The following POLD3 variants were observed in gnomAD, a reference collection of about 807,000 sequenced individuals.
POLD3 encodes DNA polymerase delta 3, accessory subunit.
A neutral mutation model predicts 58.2 loss-of-function variants in POLD3; 19 were observed. The observed-to-expected ratio is 0.33, with a 90% CI of 0.23 to 0.48. The LOEUF is 0.48. POLD3 is among the 20% of genes least tolerant of loss of function. The pLI is 0.99. For missense variants in POLD3, 504 were observed against 545.5 expected (o/e 0.92, Z 0.76); for synonymous variants, 172 against 193.5 (o/e 0.89, Z 0.92).
rs778520326 is a variant in POLD3, at chr11:74,640,517, T to G, written c.1199-47T>G. The G allele has an allele frequency of 1.2e-5, 17 of 1,459,212 alleles. No homozygotes were observed. In the Admixed American group the frequency reaches 3.5e-4, roughly 30 times the overall value. The allele number at this position is 1,459,212 out of a possible 1,614,324, so 90.4% of individuals were successfully genotyped here. A position where few individuals can be genotyped will look rare whatever the true frequency, so the allele number is the denominator to read the frequency against. On this transcript the variant is annotated intron_variant, in intron 11 of 11. Coordinates refer to ENST00000263681, the MANE Select transcript of POLD3 (RefSeq NM_006591.3). ...AAGACATCCCATTTTCTTCATAGAGTAAATGATTCAGCCCACCCATGTTCC... is the reference window on the plus strand; with the variant it reads ...AAGACATCCCATTTTCTTCATAGAGGAAATGATTCAGCCCACCCATGTTCC...
At chr11:74,617,220 T>C (rs972535923) in intron 5 of POLD3, among the ~76,000 whole-genome samples, 5 of 152,206 alleles carry the variant, frequency 3.3e-5, no homozygotes, top group African/African-American at 1.2e-4. Context: ...TCTATAATGA[T>C]TAGAGAGAGA....
chr11:74,609,027 A>G (rs895808306), intron 3 of POLD3, among the ~76,000 whole-genome samples: 8 of 152,180 alleles, frequency 5.3e-5, no homozygotes, highest in African/African-American at 1.7e-4. Flanking sequence ...GGTTCCGAAC[A>G]TTAACAAAAA....
rs571013076 is a variant in POLD3 at position 74,659,856 on chromosome 11, G to C, written c.370-8921G>C. Among the ~76,000 whole-genome samples, 9 of 152,258 alleles carry C rather than the reference G, an allele frequency of 5.9e-5. No homozygotes were observed. The South Asian group carries it at 1.9e-3, about 32-fold the overall frequency. On this transcript the variant is annotated intron_variant, in intron 4 of 4. Coordinates refer to the POLD3 transcript ENST00000524752. ...GTTCCAAACTTTTCCACATTTTTCT[G>C]TCTTCTTCTGAGCCCTCCAAACTGT...
intron 3 of POLD3, among the ~76,000 whole-genome samples, chr11:74,610,040 G>T (rs2031853441): frequency 1.3e-5 from 2 of 152,174 alleles, no homozygotes; most frequent in Non-Finnish European, 2.9e-5. Flanking sequence ...CTCGGTCAAA[G>T]GGTGAGTGCA....
At chr11:74,649,013 G>T (rs776029602) in intron 4 of POLD3, among the ~76,000 whole-genome samples, 117 of 152,270 alleles carry the variant, frequency 7.7e-4, no homozygotes, top group Non-Finnish European at 1.4e-3. Context: ...GTCGTCTCAT[G>T]CTTGGAAATT....
chr11:74,612,187 G>A (rs1048683068), intron 4 of POLD3, among the ~76,000 whole-genome samples: 3 of 152,196 alleles, frequency 2.0e-5, no homozygotes, highest in African/African-American at 4.8e-5. Context: ...GTCCATGGGG[G>A]TAGGGTGGGG....
At position 74,634,568 on chromosome 11, in the gene POLD3, G is replaced by A. The variant is rs371669281; in HGVS notation, c.1007-15G>A. On this transcript the variant is annotated splice_polypyrimidine_tract_variant and intron_variant, in intron 9 of 11. Coordinates refer to ENST00000263681, the MANE Select transcript of POLD3 (RefSeq NM_006591.3). Reference sequence around the variant, plus strand: ...GCTTGTAGTTCTCTGATCTAAGTCCGTTTCATTATTTCAGTCTTTCCAGAC... The same window carrying A: ...GCTTGTAGTTCTCTGATCTAAGTCCATTTCATTATTTCAGTCTTTCCAGAC... The A allele has an allele frequency of 3.2e-5, 44 of 1,388,542 alleles. No homozygotes were observed. The highest frequency in any genetic ancestry group is 1.1e-4 in the East Asian group (5 of 43,754). The allele number at this position is 1,388,542 out of a possible 1,614,324, so 86.0% of individuals were successfully genotyped here. A position where few individuals can be genotyped will look rare whatever the true frequency, so the allele number is the denominator to read the frequency against.
chr11:74,600,440 C>T (rs12801024), intron 2 of POLD3, among the ~76,000 whole-genome samples: 41,213 of 151,760 alleles, frequency 0.27, 5,636 homozygotes, highest in Middle Eastern at 0.37. Context: ...GGATTACAGG[C>T]GTGAGCCACC....
At chr11:74,665,240 C>T (rs2033253116) in intron 4 of POLD3, among the ~76,000 whole-genome samples, 1 of 150,422 alleles carries the variant, frequency 6.6e-6, no homozygotes, top group Non-Finnish European at 1.5e-5. Flanking sequence ...ATGAAAATCA[C>T]TTGAACCCAG....
chr11:74,647,137 G>A (rs1182127019), downstream of POLD3, among the ~76,000 whole-genome samples: 2 of 152,180 alleles, frequency 1.3e-5, no homozygotes, highest in African/African-American at 2.4e-5. Flanking sequence ...AGCTCAGGCA[G>A]TAATGCTCTT....
chr11:74,598,266 TAAGGA>T (rs958560285), intron 2 of POLD3, among the ~76,000 whole-genome samples: 2 of 152,184 alleles, frequency 1.3e-5, no homozygotes, highest in Non-Finnish European at 2.9e-5. Context: ...GTGTATGGTG[TAAGGA>T]AAGGGTCCAG....
At position 74,592,594 on chromosome 11, in the gene POLD3, C is replaced by T; in HGVS notation, c.-65C>T. 6.3e-7 allele frequency: 1 copy of T among 1,597,032 alleles called. No homozygotes were observed. Among genetic ancestry groups the T allele is most frequent in the East Asian group, 2.3e-5 (1 of 44,188 alleles). ...CCTGGGAGGGAGCAAAGACGTTTCC[C>T]GCCGGCGGGAGCTGTGGCTGTGATT... On this transcript the variant is annotated 5_prime_UTR_variant, in exon 1 of 12. Transcript: ENST00000263681.
chr11:74,612,152 T>C (rs1054921405), intron 4 of POLD3, among the ~76,000 whole-genome samples: 3 of 152,106 alleles, frequency 2.0e-5, no homozygotes, highest in Non-Finnish European at 4.4e-5. Context: ...AAAAAATATG[T>C]GTATTTTAAA....
chr11:74,668,777 T>C (rs770470512), exon 5 of POLD3: 62 of 1,288,000 alleles, frequency 4.8e-5, no homozygotes, highest in Admixed American at 2.8e-4. Context: ...TTTTTTACAG[T>C]GGTGCTGGAC....
chr11:74,634,678 G>C lies in POLD3; in HGVS notation c.1102G>C (p.Glu368Gln), dbSNP rs56262204. 2,378 of 1,603,960 alleles carry C rather than the reference G, an allele frequency of 1.5e-3. 52 individuals carry two copies. In the South Asian group the frequency reaches 0.025, roughly 17 times the overall value. ...TGAACCAGTGCCAAAGACTGAGCCT[G>C]AACCTCCTTCTGTCAAGGTAAAATT... The part of the protein sequence containing the change: ...PLEPVPKTEP[E>Q]PPSVKSSSGE... Residue 368 changes from glutamate to glutamine, a missense_variant, in exon 10 of 12, where the codon GAA becomes CAA. Physicochemically the swap from Glu to Gln is conservative, Grantham distance 29 (BLOSUM62 2). This residue lies in a region of POLD3 where 385 missense variants were observed against 370.5 expected (regional missense o/e 1.04). Coordinates refer to ENST00000263681, the MANE Select transcript of POLD3 (RefSeq NM_006591.3).
chr11:74,667,889 G>GA (rs2033291825), intron 4 of POLD3, among the ~76,000 whole-genome samples: 1 of 152,168 alleles, frequency 6.6e-6, no homozygotes, highest in Admixed American at 6.5e-5. Flanking sequence ...CAACCCAACT[G>GA]AAAAATTGGC....
At position 74,666,509 on chromosome 11, in the gene POLD3, T is replaced by G. The variant is rs139188478; in HGVS notation, c.370-2268T>G. ...GGTGGCGGGCGCCTGTAATCCCAGG[T>G]ACTTGGGAGGCTGAGGCCGGAGAAT... On this transcript the variant is annotated intron_variant, in intron 4 of 4. Transcript: ENST00000524752. 5.9e-3 allele frequency among the ~76,000 whole-genome samples: 892 copies of G among 151,716 alleles called. 9 individuals are homozygous for G. The highest frequency in any genetic ancestry group is 0.021 in the African/African-American group (853 of 41,292).
intron 4 of POLD3, among the ~76,000 whole-genome samples, chr11:74,667,366 T>C (rs556728330): frequency 5.5e-4 from 83 of 152,124 alleles, no homozygotes; most frequent in African/African-American, 1.9e-3. Context: ...AAACCCCGTC[T>C]CTACTAAAAA....
At chr11:74,658,708 A>C (rs1399388728) in intron 4 of POLD3, among the ~76,000 whole-genome samples, 1 of 152,232 alleles carries the variant, frequency 6.6e-6, no homozygotes, top group Admixed American at 6.5e-5. Flanking sequence ...GTCAAATTTT[A>C]AAGCTACAAA....
Sources: gnomAD v4.1 joint callset for allele counts (sites outside exome capture counted in the v4.1 genomes callset) on GRCh38, gnomAD v4.1.1 for gene constraint, gnomAD v4.1.1 regional missense constraint, MANE v1.5 for transcripts, NCBI Gene and HGNC (gene_info 2026-07-23, HGNC 2026-07-21) for gene names.